The following NTM variants were observed in gnomAD, a reference collection of about 807,000 sequenced individuals.
The protein encoded by NTM is IgLON family member 2.
In NTM, 13 loss-of-function variants were observed where a neutral mutation model predicts 42.1. The ratio of observed to expected loss-of-function variants is 0.31; its 90% CI spans 0.20 to 0.49. The LOEUF (loss-of-function observed/expected upper bound fraction) is 0.49, where lower values mean the gene tolerates loss of function less well. Ranked by LOEUF, NTM falls within the 20% of genes least tolerant of loss-of-function variation. The pLI is 0.99. For missense variants in NTM, 373 were observed against 452.8 expected (o/e 0.82, Z 1.60); for synonymous variants, 187 against 179.2 (o/e 1.04, Z -0.35).
chr11:131,915,155 T>A lies in NTM; in HGVS notation c.167+3507T>A, dbSNP rs549293634. 8.2e-4 allele frequency among the ~76,000 whole-genome samples: 125 copies of A among 152,280 alleles called. 2 individuals are homozygous for A. Among genetic ancestry groups the A allele is most frequent in the African/African-American group, 3.0e-3 (124 of 41,546 alleles). On this transcript the variant is annotated intron_variant, in intron 2 of 8. Coordinates refer to ENST00000683400, the MANE Select transcript of NTM (RefSeq NM_001352005.2). ...TAGACAATTATTCCCGGTTAAGGCC[T>A]AGAGAGGGGGAACTTACCTGAAATC...
chr11:131,877,317 C>T (rs973598381), intron 1 of NTM, among the ~76,000 whole-genome samples: 3 of 152,202 alleles, frequency 2.0e-5, no homozygotes, highest in Admixed American at 6.5e-5. Context: ...AGTCTCCCCA[C>T]GTTGGCTTTT....
intron 2 of NTM, among the ~76,000 whole-genome samples, chr11:132,027,758 T>C (rs1445507853): frequency 6.6e-6 from 1 of 152,194 alleles, no homozygotes; most frequent in African/African-American, 2.4e-5. Flanking sequence ...CTGAGCATCC[T>C]GAAACTGTTG....
At chr11:132,085,036 A>G (rs2059533772) in intron 2 of NTM, among the ~76,000 whole-genome samples, 1 of 152,196 alleles carries the variant, frequency 6.6e-6, no homozygotes, top group Non-Finnish European at 1.5e-5. Flanking sequence ...TGCTCAATTT[A>G]CAGAGTTTAG....
At chr11:132,169,320 C>CTTTTATTTTTTTTTTTTTTT (rs2075777742) in intron 3 of NTM, among the ~76,000 whole-genome samples, 1 of 32,358 alleles carries the variant, frequency 3.1e-5, no homozygotes. Flanking sequence ...AATTTTTTTA[C>CTTTTATTTTTTTTTTTTTTT]TTTTTTTTTT....
intron 1 of NTM, among the ~76,000 whole-genome samples, chr11:131,450,907 AC>A (rs1370477433): frequency 1.3e-5 from 2 of 152,046 alleles, no homozygotes; most frequent in Non-Finnish European, 2.9e-5. Context: ...GAATAAATAA[AC>A]CTTTTTTTTT....
chr11:131,722,651 A>T (rs996331842), intron 1 of NTM, among the ~76,000 whole-genome samples: 1 of 152,198 alleles, frequency 6.6e-6, no homozygotes, highest in Non-Finnish European at 1.5e-5. Context: ...TCACAGTGGA[A>T]CACTTGGCTC....
intron 4 of NTM, among the ~76,000 whole-genome samples, chr11:132,269,197 T>C (rs559744594): frequency 6.6e-6 from 1 of 152,298 alleles, no homozygotes; most frequent in East Asian, 1.9e-4. Flanking sequence ...AAATAAAGTA[T>C]GGAAGTTGTT....
chr11:131,624,439 C>T (rs1415502470), intron 1 of NTM, among the ~76,000 whole-genome samples: 1 of 152,120 alleles, frequency 6.6e-6, no homozygotes, highest in Non-Finnish European at 1.5e-5. Context: ...TGTGGTCCTG[C>T]AGGTACAGAG....
chr11:132,316,968 G>A lies in NTM; in HGVS notation c.934+2265G>A, dbSNP rs374501226. ...GCGAATATACAAACTTCTTGATGAA[G>A]TTAGAAAGGCAGCAAAATTATCATC... is the stretch of plus-strand genomic sequence containing the variant. On this transcript the variant is annotated intron_variant, in intron 7 of 8. Coordinates refer to ENST00000683400, the MANE Select transcript of NTM (RefSeq NM_001352005.2). 2.0e-3 allele frequency among the ~76,000 whole-genome samples: 306 copies of A among 152,328 alleles called. 1 individual carries two copies. Among genetic ancestry groups the A allele is most frequent in the African/African-American group, 7.1e-3 (294 of 41,580 alleles).
At chr11:132,005,495 TTGAA>T (rs563873634) in intron 2 of NTM, among the ~76,000 whole-genome samples, 69 of 152,264 alleles carry the variant, frequency 4.5e-4, no homozygotes, top group African/African-American at 1.6e-3. Flanking sequence ...GAATAAATGA[TTGAA>T]TGAGTGAAAG....
chr11:132,150,735 A>T (rs1252507705), intron 3 of NTM, among the ~76,000 whole-genome samples: 1 of 152,182 alleles, frequency 6.6e-6, no homozygotes, highest in Non-Finnish European at 1.5e-5. Context: ...GCAGGAGAGT[A>T]GGCAGAGTTC....
chr11:131,396,812 C>T (rs189780579), intron 1 of NTM, among the ~76,000 whole-genome samples: 7 of 150,578 alleles, frequency 4.6e-5, no homozygotes, highest in African/African-American at 1.7e-4. Context: ...CCAGCCCGGG[C>T]AACAGAGTGA....
chr11:131,581,460 G>A (rs570599949), intron 1 of NTM, among the ~76,000 whole-genome samples: 14 of 152,240 alleles, frequency 9.2e-5, no homozygotes, highest in Admixed American at 6.5e-4. Flanking sequence ...TTTTAGGATC[G>A]GTAAAATAAA....
At chr11:131,942,403 A>G (rs2059891543) in intron 2 of NTM, among the ~76,000 whole-genome samples, 1 of 152,088 alleles carries the variant, frequency 6.6e-6, no homozygotes, top group Admixed American at 6.5e-5. Context: ...GGCAGAGGAG[A>G]GTAGAGAGTG....
intron 2 of NTM, among the ~76,000 whole-genome samples, chr11:132,047,876 G>C (rs2078237658): frequency 6.6e-6 from 1 of 152,172 alleles, no homozygotes; most frequent in Admixed American, 6.5e-5. Context: ...GAGACCTCCT[G>C]TTGAGGTCAA....
intron 1 of NTM, among the ~76,000 whole-genome samples, chr11:131,488,478 C>A (rs1381507088): frequency 6.6e-6 from 1 of 152,204 alleles, no homozygotes; most frequent in East Asian, 1.9e-4. Flanking sequence ...CCTCAAAAGA[C>A]CTATGTCACT....
chr11:131,414,561 A>G (rs1420415642), intron 1 of NTM, among the ~76,000 whole-genome samples: 1 of 152,122 alleles, frequency 6.6e-6, no homozygotes, highest in East Asian at 1.9e-4. Flanking sequence ...AGTCCTTTGG[A>G]GGAGAAAGGA....
In NTM at chr11:131,867,350, C is replaced by T. The variant is rs535110380; in HGVS notation, c.83-44214C>T. Among the ~76,000 whole-genome samples the T allele has an allele frequency of 2.8e-4, 42 of 151,972 alleles. No homozygotes were observed. In the South Asian group the frequency reaches 7.5e-3, roughly 27 times the overall value. ...GTGTGCGTGCGGATGGAGAGGTCTGCCTGTATGTTTGTCTGTGTGTCTGGG... is the reference window on the plus strand; with the variant it reads ...GTGTGCGTGCGGATGGAGAGGTCTGTCTGTATGTTTGTCTGTGTGTCTGGG... On this transcript the variant is annotated intron_variant, in intron 1 of 8. Transcript: ENST00000683400.
intron 2 of NTM, among the ~76,000 whole-genome samples, chr11:131,968,326 A>G (rs555959812): frequency 1.3e-5 from 2 of 152,320 alleles, no homozygotes; most frequent in African/African-American, 4.8e-5. Flanking sequence ...CAGAGGGACC[A>G]TGCCACTGAA....
Sources: gnomAD v4.1 joint callset for allele counts (sites outside exome capture counted in the v4.1 genomes callset) on GRCh38, gnomAD v4.1.1 for gene constraint, MANE v1.5 for transcripts, NCBI Gene and HGNC (gene_info 2026-07-23, HGNC 2026-07-21) for gene names.